The following DGKG variants were observed in gnomAD, a reference collection of about 807,000 sequenced individuals.
DGKG encodes DAG kinase gamma.
Under a neutral mutation model 105.3 loss-of-function variants are expected in DGKG, and 78 were observed. The ratio of observed to expected loss-of-function variants is 0.74; its 90% CI spans 0.62 to 0.89. The LOEUF (loss-of-function observed/expected upper bound fraction) is 0.89. Among genes scored for constraint, DGKG ranks in the 40% least tolerant of loss-of-function variants. The pLI is 0.00. For missense variants in DGKG, 958 were observed against 1,020.1 expected (o/e 0.94, Z 0.83); for synonymous variants, 346 against 367.1 (o/e 0.94, Z 0.66).
intron 2 of DGKG, among the ~76,000 whole-genome samples, chr3:186,314,201 A>G (rs1270603272): frequency 2.0e-5 from 3 of 151,598 alleles, no homozygotes; most frequent in African/African-American, 7.3e-5. Context: ...ACACACACAC[A>G]CACACACACA....
intron 19 of DGKG, among the ~76,000 whole-genome samples, chr3:186,247,627 T>G (rs1370268243): frequency 6.6e-6 from 1 of 152,178 alleles, no homozygotes. Context: ...GTTGGTTACT[T>G]GTTTTCTCAA....
intron 22 of DGKG, among the ~76,000 whole-genome samples, chr3:186,175,668 C>T (rs17294944): frequency 0.38 from 57,073 of 151,886 alleles, 12,616 homozygotes; most frequent in East Asian, 0.74. Flanking sequence ...CTGGTGGTCC[C>T]GGTGAGGTCC....
At position 186,198,953 on chromosome 3, in the gene DGKG, AT is replaced by A. The variant is rs948810416; in HGVS notation, c.1918-10575del. 2.5e-3 allele frequency among the ~76,000 whole-genome samples: 377 copies of A among 148,454 alleles called. 2 individuals are homozygous for A. The highest frequency in any genetic ancestry group is 8.2e-3 in the African/African-American group (335 of 40,796). ...AACATTATTGGAAAGACAGTCCAGTATTTTTTTTTTTAAGACGGAGTTTTGC... is the reference window on the plus strand; with the variant it reads ...AACATTATTGGAAAGACAGTCCAGTATTTTTTTTTTAAGACGGAGTTTTGC... On this transcript the variant is annotated intron_variant, in intron 21 of 24. Coordinates refer to ENST00000265022, the MANE Select transcript of DGKG (RefSeq NM_001346.3).
In DGKG at chr3:186,209,547, A is replaced by G. The variant is rs138965158; in HGVS notation, c.1917+2248T>C. ...GGAACTGAAGATGGCGAAATGTAGT[A>G]GCAATGCCTCAGTGGGGTTATTTGC... is the stretch of plus-strand genomic sequence containing the variant. On this transcript the variant is annotated intron_variant, in intron 21 of 24. Coordinates refer to ENST00000265022, the MANE Select transcript of DGKG (RefSeq NM_001346.3). Among the ~76,000 whole-genome samples the G allele has an allele frequency of 7.2e-5, 11 of 152,280 alleles. No individual in the cohort carries two copies. In the East Asian group the frequency reaches 2.1e-3, roughly 29 times the overall value.
At chr3:186,323,175 T>C (rs1400913161) in intron 1 of DGKG, among the ~76,000 whole-genome samples, 9 of 152,226 alleles carry the variant, frequency 5.9e-5, no homozygotes. Flanking sequence ...TAAGATGTAA[T>C]CTTCTTTTCA....
At chr3:186,306,229 C>T (rs190535424) in intron 3 of DGKG, among the ~76,000 whole-genome samples, 17 of 152,196 alleles carry the variant, frequency 1.1e-4, no homozygotes, top group Non-Finnish European at 2.2e-4. Context: ...TACAGTTTCG[C>T]TGTAAAACAC....
At chr3:186,288,964 G>A (rs1427017694) in intron 5 of DGKG, 84 bp from the exon 6 acceptor site, 1 of 1,359,328 alleles carries the variant, frequency 7.4e-7, no homozygotes, top group Non-Finnish European at 1.0e-6. Context: ...TCCTTTTCAT[G>A]GTAGAGGCAA....
chr3:186,183,595 A>G (rs1472795166), intron 22 of DGKG, among the ~76,000 whole-genome samples: 1 of 152,210 alleles, frequency 6.6e-6, no homozygotes, highest in Non-Finnish European at 1.5e-5. Flanking sequence ...TGAAAGGTCT[A>G]GGAAAGGAGA....
intron 1 of DGKG, among the ~76,000 whole-genome samples, chr3:186,340,857 C>T (rs1578856893): frequency 3.3e-5 from 5 of 152,188 alleles, no homozygotes; most frequent in Admixed American, 6.5e-5. Flanking sequence ...TATCTTTCAG[C>T]TCTGCCCCTT....
chr3:186,328,575 C>CTTT (rs34252507), intron 1 of DGKG, among the ~76,000 whole-genome samples: 2 of 141,124 alleles, frequency 1.4e-5, no homozygotes, highest in Non-Finnish European at 1.5e-5. Flanking sequence ...CTACACCATT[C>CTTT]TTTTTTTTTT....
At chr3:186,200,927 G>T (rs1395817701) in intron 21 of DGKG, among the ~76,000 whole-genome samples, 1 of 152,218 alleles carries the variant, frequency 6.6e-6, no homozygotes, top group Admixed American at 6.5e-5. Context: ...CTTTGAGAGG[G>T]GCAGCTGGAA....
chr3:186,186,916 G>A (rs150950103), intron 22 of DGKG, among the ~76,000 whole-genome samples: 208 of 152,330 alleles, frequency 1.4e-3, no homozygotes, highest in Non-Finnish European at 2.6e-3. Flanking sequence ...AAAAGTGGAA[G>A]GCCCAGCTGG....
chr3:186,190,218 T>G (rs1447735805), intron 21 of DGKG, among the ~76,000 whole-genome samples: 1 of 152,212 alleles, frequency 6.6e-6, no homozygotes, highest in African/African-American at 2.4e-5. Context: ...ACTACCAGGT[T>G]GTGCCACCTC....
intron 10 of DGKG, among the ~76,000 whole-genome samples, chr3:186,274,224 G>A (rs539668922): frequency 2.4e-4 from 36 of 152,134 alleles, no homozygotes; most frequent in Non-Finnish European, 4.1e-4. Flanking sequence ...GTTTCACTCC[G>A]TCATCCAAGC....
In DGKG at chr3:186,272,351, G is replaced by T; in HGVS notation, c.911-8C>A. 1.2e-6 allele frequency: 2 copies of T among 1,607,602 alleles called. No individual in the cohort carries two copies. The highest frequency in any genetic ancestry group is 2.2e-5 in the South Asian group (2 of 90,736). On this transcript the variant is annotated splice_polypyrimidine_tract_variant and splice_region_variant and intron_variant, in intron 10 of 24. Transcript: ENST00000265022. ...GGACAGTGTATTTACAGTCTGAAAAGAAAAAAAGTCAAGGCAGGTGCTTGT... is the reference window on the plus strand; with the variant it reads ...GGACAGTGTATTTACAGTCTGAAAATAAAAAAAGTCAAGGCAGGTGCTTGT...
intron 19 of DGKG, among the ~76,000 whole-genome samples, chr3:186,243,246 C>A (rs1174236232): frequency 6.6e-6 from 1 of 151,734 alleles, no homozygotes; most frequent in Non-Finnish European, 1.5e-5. Context: ...GCTTCTTGAT[C>A]ACTTCACTCG....
At chr3:186,160,718 T>G (rs1007087251) in intron 24 of DGKG, 1 of 985,338 alleles carries the variant, frequency 1.0e-6, no homozygotes, top group Non-Finnish European at 1.2e-6. Context: ...TTTGCATAGC[T>G]GCAATCTTAT....
chr3:186,298,903 A>T (rs1395128907), intron 3 of DGKG, among the ~76,000 whole-genome samples: 2 of 152,194 alleles, frequency 1.3e-5, no homozygotes, highest in Non-Finnish European at 2.9e-5. Flanking sequence ...GCTTCTCAAA[A>T]CATGTCCTTG....
intron 1 of DGKG, among the ~76,000 whole-genome samples, chr3:186,327,493 C>G (rs1725402304): frequency 6.6e-6 from 1 of 151,590 alleles, no homozygotes; most frequent in African/African-American, 2.4e-5. Context: ...TTAAGCAATC[C>G]TCCCACTTCA....
Sources: gnomAD v4.1 joint callset for allele counts (sites outside exome capture counted in the v4.1 genomes callset) on GRCh38, gnomAD v4.1.1 for gene constraint, MANE v1.5 for transcripts, NCBI Gene and HGNC (gene_info 2026-07-23, HGNC 2026-07-21) for gene names.